NDUFA10: variants seen among roughly 807,000 people sequenced by gnomAD.
The protein encoded by NDUFA10 is NADH dehydrogenase [ubiquinone] 1 alpha subcomplex subunit 10, mitochondrial.
In NDUFA10, 40 loss-of-function variants were observed where a neutral mutation model predicts 47.8. The ratio of observed to expected loss-of-function variants is 0.84; its 90% CI spans 0.65 to 1.09. The LOEUF (loss-of-function observed/expected upper bound fraction) is 1.09, where lower values mean the gene tolerates loss of function less well. Ranked by LOEUF, NDUFA10 falls within the 50% of genes least tolerant of loss-of-function variation. The probability of loss-of-function intolerance (pLI) is 0.00; values close to 1 mark genes in which losing one functional copy is unlikely to be tolerated. For synonymous variants in NDUFA10, 183 were observed against 172.2 expected (o/e 1.06, Z -0.49); for missense variants, 413 against 451.1 (o/e 0.92, Z 0.76).
In NDUFA10 at chr2:239,950,161, T is replaced by A. The variant is rs181991383; in HGVS notation, c.294+39913A>T. On this transcript the variant is annotated intron_variant, in intron 4 of 5. Transcript: ENST00000419408. Reference sequence around the variant, plus strand: ...GATTTAGAAAGGTTTCCAGTCCTTATAGCCCCTCCGCCCCATGCTGTGTGG... The same window carrying A: ...GATTTAGAAAGGTTTCCAGTCCTTAAAGCCCCTCCGCCCCATGCTGTGTGG... Among the ~76,000 whole-genome samples the A allele has an allele frequency of 6.6e-5, 10 of 152,332 alleles. No homozygotes were observed. In the East Asian group the frequency reaches 1.9e-3, roughly 29 times the overall value.
At position 239,958,133 on chromosome 2, in the gene NDUFA10, T is replaced by C. The variant is rs530890398; in HGVS notation, c.*2985A>G. 6.6e-6 allele frequency: 1 copy of C among 152,334 alleles called. No individual in the cohort carries two copies. Among genetic ancestry groups the C allele is most frequent in the Admixed American group, 6.5e-5 (1 of 15,308 alleles). The allele number at this position is 152,334 out of a possible 1,614,324, so 9.4% of individuals were successfully genotyped here. A position where few individuals can be genotyped will look rare whatever the true frequency, so the allele number is the denominator to read the frequency against. On this transcript the variant is annotated 3_prime_UTR_variant, in exon 10 of 10. Transcript: ENST00000252711. ...CATGGAATTCTGGCCAGCCAGTGGC[T>C]GATGCCTACACAAGCTTTTCTTCAA...
intron 4 of NDUFA10, among the ~76,000 whole-genome samples, chr2:239,941,045 G>T (rs550608484): frequency 6.6e-6 from 1 of 152,316 alleles, no homozygotes; most frequent in Admixed American, 6.5e-5. Context: ...CCCAGGAAGG[G>T]TAAGCGAAAC....
rs542925499 is a variant in NDUFA10 at position 240,003,498 on chromosome 2, C to G, written c.890+1712G>C. 1.4e-3 allele frequency among the ~76,000 whole-genome samples: 213 copies of G among 152,324 alleles called. 2 individuals are homozygous for G. The highest frequency in any genetic ancestry group is 6.3e-4 in the Non-Finnish European group (43 of 68,028). The stretch of plus-strand genomic sequence containing the variant: ...GGCAGGAAGCAGCACAGGGCAGGCT[C>G]AGGCCAAGGGCTCGAGACTTAACAC... On this transcript the variant is annotated intron_variant, in intron 8 of 9. Coordinates refer to ENST00000252711, the MANE Select transcript of NDUFA10 (RefSeq NM_004544.4).
chr2:239,961,169 G>A lies in NDUFA10; in HGVS notation c.1017C>T (p.Tyr339=). 1.2e-6 allele frequency: 2 copies of A among 1,613,134 alleles called. No individual in the cohort carries two copies. Among genetic ancestry groups the A allele is most frequent in the Non-Finnish European group, 1.7e-6 (2 of 1,179,680 alleles). ...CCACCTCGGTGTTGTACCCAGGGCT[G>A]TACTTGCGGCCCGGCAGCTGTGGGG... ...HQFRELPGRK[Y]SPGYNTEVGD... Residue 339 remains tyrosine, a synonymous_variant, in exon 10 of 10, where the codon TAC becomes TAT. Transcript: ENST00000252711.
At chr2:239,925,075 G>A (rs1376667065) in intron 4 of NDUFA10, among the ~76,000 whole-genome samples, 2 of 152,018 alleles carry the variant, frequency 1.3e-5, no homozygotes, top group Non-Finnish European at 2.9e-5. Context: ...TAGATGGAGA[G>A]AAATACCACA....
At chr2:239,935,604 C>G (rs1052015507) in intron 4 of NDUFA10, among the ~76,000 whole-genome samples, 1 of 152,188 alleles carries the variant, frequency 6.6e-6, no homozygotes, top group African/African-American at 2.4e-5. Flanking sequence ...GTGTCCCCAC[C>G]CAAATCTCAT....
chr2:239,980,808 C>T (rs1324365540), intron 9 of NDUFA10, among the ~76,000 whole-genome samples: 1 of 152,190 alleles, frequency 6.6e-6, no homozygotes, highest in Admixed American at 6.5e-5. Context: ...CCAAGAGCTG[C>T]AGAGAGCCAC....
At chr2:240,003,430 A>G (rs1696809933) in intron 8 of NDUFA10, among the ~76,000 whole-genome samples, 1 of 152,192 alleles carries the variant, frequency 6.6e-6, no homozygotes, top group Non-Finnish European at 1.5e-5. Flanking sequence ...GGCCCTCGAG[A>G]GGCAAAGTGT....
In NDUFA10 at chr2:239,905,436, G is replaced by T. The variant is rs72999754; in HGVS notation, c.295-10122C>A. On this transcript the variant is annotated intron_variant, in intron 4 of 5. Transcript: ENST00000419408. ...CTCGAAGATTTGCACCGGGACTCTC[G>T]GCTACCGAGGTGGAGCAGGGCATGC... 2.0e-5 allele frequency among the ~76,000 whole-genome samples: 3 copies of T among 152,344 alleles called. No homozygotes were observed. In the South Asian group the frequency reaches 6.2e-4, roughly 32 times the overall value.
At chr2:239,933,517 T>TTTTTTTG (rs1553558205) in intron 4 of NDUFA10, among the ~76,000 whole-genome samples, 1 of 149,052 alleles carries the variant, frequency 6.7e-6, no homozygotes, top group Non-Finnish European at 1.5e-5. Context: ...TTTTTTTGTT[T>TTTTTTTG]TTTTGTTTTG....
intron 4 of NDUFA10, among the ~76,000 whole-genome samples, chr2:239,918,083 G>A (rs1357623047): frequency 6.6e-6 from 1 of 152,220 alleles, no homozygotes; most frequent in Non-Finnish European, 1.5e-5. Context: ...CAGGGGAAGG[G>A]CCTCTGTCTC....
intron 4 of NDUFA10, among the ~76,000 whole-genome samples, chr2:239,923,188 T>C (rs1694017084): frequency 6.6e-6 from 1 of 152,148 alleles, no homozygotes; most frequent in Admixed American, 6.6e-5. Flanking sequence ...AAACTGAAAG[T>C]AGAAATAGAC....
chr2:239,970,393 C>T (rs1350633189), intron 9 of NDUFA10, among the ~76,000 whole-genome samples: 1 of 152,190 alleles, frequency 6.6e-6, no homozygotes, highest in Non-Finnish European at 1.5e-5. Flanking sequence ...TCTATAACAA[C>T]TGCTAAAGGA....
chr2:239,944,558 C>T (rs893231752), intron 4 of NDUFA10, among the ~76,000 whole-genome samples: 5 of 152,216 alleles, frequency 3.3e-5, no homozygotes, highest in African/African-American at 1.2e-4. Context: ...CACTTTCCTC[C>T]ACATCTGTTT....
chr2:240,021,175 T>C (rs757548970), intron 3 of NDUFA10, 22 bp downstream of exon 3: 2 of 1,600,342 alleles, frequency 1.2e-6, no homozygotes, highest in African/African-American at 1.3e-5. Context: ...AGAACAGATC[T>C]AACTGCCCAG....
chr2:240,005,210 A>T lies in NDUFA10; in HGVS notation c.890T>A (p.Leu297Gln), dbSNP rs1696897106. 1 of 1,612,976 alleles carries T rather than the reference A, an allele frequency of 6.2e-7. No homozygotes were observed. Among genetic ancestry groups the T allele is most frequent in the Non-Finnish European group, 8.5e-7 (1 of 1,179,092 alleles). ...GCAGCCCCCACACAGATGCACTTAC[A>T]GTAATCGCAGGTGGTATAAAGTGCG... ...DNRTLYHLRL[L>Q]VQDKFEVLNY... is the part of the protein sequence containing the mutation. Residue 297 changes from leucine (L) to glutamine (Q), a missense_variant and splice_region_variant, in exon 8 of 10, where the codon CTG becomes CAG. Leu to Gln is a moderately radical substitution (Grantham distance 113). Transcript: ENST00000252711.
At chr2:239,947,885 C>G (rs1040852054) in intron 4 of NDUFA10, among the ~76,000 whole-genome samples, 1 of 152,228 alleles carries the variant, frequency 6.6e-6, no homozygotes, top group Admixed American at 6.5e-5. Flanking sequence ...TTCAGACTTT[C>G]AGGACGGCCA....
intron 5 of NDUFA10, chr2:240,012,805 G>A (rs1038124953): frequency 5.3e-5 from 8 of 152,244 alleles, no homozygotes; most frequent in African/African-American, 1.9e-4. Context: ...AAGGGGGAAA[G>A]GCAGTAATTG....
rs149617535 is a variant in NDUFA10 at position 240,018,601 on chromosome 2, A to C, written c.499T>G (p.Phe167Val). Residue 167 changes from phenylalanine to valine, a missense_variant, in exon 4 of 10, where the codon TTT becomes GTT. Transcript: ENST00000252711. ...TTGTACATCGCCTCCAGGAACACAA[A>C]GTCACTGAAGATGGAGCGCTCCAAC... ...VVLERSIFSD[F>V]VFLEAMYNQG... 27 of 1,614,196 alleles carry C rather than the reference A, an allele frequency of 1.7e-5. No homozygotes were observed. The East Asian group carries it at 5.3e-4, about 32-fold the overall frequency.
Sources: gnomAD v4.1 joint callset for allele counts (sites outside exome capture counted in the v4.1 genomes callset) on GRCh38, gnomAD v4.1.1 for gene constraint, MANE v1.5 for transcripts, NCBI Gene and HGNC (gene_info 2026-07-23, HGNC 2026-07-21) for gene names.